Variants in ZNF665 observed in about 807,000 individuals in gnomAD.
The protein encoded by ZNF665 is zinc finger protein 665.
A neutral mutation model predicts 7.9 loss-of-function variants in ZNF665; 6 were observed. The ratio of observed to expected loss-of-function variants is 0.76; its 90% CI spans 0.42 to 1.50. The LOEUF (loss-of-function observed/expected upper bound fraction) is 1.50, where lower values mean the gene tolerates loss of function less well. ZNF665 is among the 40% of genes most tolerant of loss of function. The pLI is 0.01. For synonymous variants in ZNF665, 242 were observed against 274.5 expected (o/e 0.88, Z 1.17); for missense variants, 819 against 806.7 (o/e 1.02, Z -0.18).
At chr19:53,168,496 G>C (rs2090634537) in intron 3 of ZNF665, among the ~76,000 whole-genome samples, 1 of 152,172 alleles carries the variant, frequency 6.6e-6, no homozygotes, top group Admixed American at 6.5e-5. Flanking sequence ...TCAGCATTTA[G>C]AAGACTCAAT....
chr19:53,174,027 G>A lies in ZNF665; in HGVS notation c.142+1418C>T, dbSNP rs138555225. The stretch of plus-strand genomic sequence containing the variant: ...GGCAAGGAAAGCTTAAGACAGTTCC[G>A]TGAAGTTTCCGGGGCCCCAGGTGCA... On this transcript the variant is annotated intron_variant, in intron 3 of 3. Transcript: ENST00000396424. 3.8e-4 allele frequency among the ~76,000 whole-genome samples: 58 copies of A among 152,286 alleles called. 1 individual carries two copies. The East Asian group carries it at 5.0e-3, about 13-fold the overall frequency.
chr19:53,165,462 T>C lies in ZNF665; in HGVS notation c.1028A>G (p.Glu343Gly), dbSNP rs1372200171. The C allele has an allele frequency of 6.2e-7, 1 of 1,613,152 alleles. No homozygotes were observed. Among genetic ancestry groups the C allele is most frequent in the Admixed American group, 1.7e-5 (1 of 59,924 alleles). Reference protein sequence around the residue: ...LTTHQTIHTGEKPYKCNECGK... With the variant: ...LTTHQTIHTGGKPYKCNECGK... Reference sequence around the variant, plus strand: ...ACATTCATTACATTTGTAAGGTTTTTCTCCAGTGTGGATTGTCTGATGGGT... The same window carrying C: ...ACATTCATTACATTTGTAAGGTTTTCCTCCAGTGTGGATTGTCTGATGGGT... The change falls in exon 4 of 4, where the codon GAA (glutamate) becomes GGA (glycine). Residue 343 changes from glutamate (E) to glycine (G), a missense_variant. Glu to Gly is a moderately conservative substitution (Grantham distance 98, BLOSUM62 -2). Coordinates refer to ENST00000396424, the MANE Select transcript of ZNF665 (RefSeq NM_024733.5).
intron 1 of ZNF665, among the ~76,000 whole-genome samples, chr19:53,192,318 T>G (rs1300213245): frequency 6.6e-6 from 1 of 152,094 alleles, no homozygotes; most frequent in African/African-American, 2.4e-5. Flanking sequence ...GTTCTCCCTC[T>G]GCTCTCCTTG....
intron 3 of ZNF665, among the ~76,000 whole-genome samples, chr19:53,171,524 A>ATATATATATATT (rs372855271): frequency 0.01 from 702 of 69,240 alleles, 4 homozygotes; most frequent in East Asian, 0.04. Flanking sequence ...ATATATATAT[A>ATATATATATATT]TTTTTTTTTT....
At chr19:53,191,762 T>C (rs2090818597) in intron 1 of ZNF665, 1 of 152,254 alleles carries the variant, frequency 6.6e-6, no homozygotes, top group Admixed American at 6.5e-5. Flanking sequence ...GAGAATCGCT[T>C]GAACCCAGGA....
chr19:53,189,895 T>C (rs147348484), intron 1 of ZNF665, among the ~76,000 whole-genome samples: 3,000 of 152,170 alleles, frequency 0.02, 98 homozygotes, highest in African/African-American at 0.065. Flanking sequence ...GCGTCACCAC[T>C]AGACCAAGGA....
At position 53,166,112 on chromosome 19, in the gene ZNF665, T is replaced by C; in HGVS notation, c.378A>G (p.Gln126=). 1 of 1,613,980 alleles carries C rather than the reference T, an allele frequency of 6.2e-7. No homozygotes were observed. The highest frequency in any genetic ancestry group is 8.5e-7 in the Non-Finnish European group (1 of 1,179,868). The change falls in exon 4 of 4, where the codon CAA becomes CAG. Residue 126 remains glutamine (Q), a synonymous_variant. Coordinates refer to ENST00000396424, the MANE Select transcript of ZNF665 (RefSeq NM_024733.5). ...QKENLPGRRA[Q]RDRRAAGNRH... ...TGTTTCCTGCAGCCCTTCTATCACG[T>C]TGAGCTCTTCTACCAGGGAGATTTT...
At chr19:53,192,979 C>G (rs956146298) in intron 1 of ZNF665, among the ~76,000 whole-genome samples, 5 of 152,118 alleles carry the variant, frequency 3.3e-5, no homozygotes, top group African/African-American at 9.7e-5. Context: ...CAGTAGCTGA[C>G]TAGGGCGAGG....
At chr19:53,191,532 T>C (rs1406340583) in intron 1 of ZNF665, among the ~76,000 whole-genome samples, 1 of 152,210 alleles carries the variant, frequency 6.6e-6, no homozygotes, top group Non-Finnish European at 1.5e-5. Flanking sequence ...AAACAAAATA[T>C]ATACATATAA....
intron 2 of ZNF665, among the ~76,000 whole-genome samples, chr19:53,178,241 T>C (rs147996308): frequency 6.6e-6 from 1 of 152,362 alleles, no homozygotes; most frequent in East Asian, 1.9e-4. Context: ...CAATGTCTAA[T>C]AGATTCCCAA....
rs2090601886 is a variant in ZNF665 at position 53,165,351 on chromosome 19, C to G, written c.1139G>C (p.Gly380Ala). ...GEKPYKCNEC[G>A]KAFSMHSNLT... The stretch of plus-strand genomic sequence containing the variant: ...GTTTGAATGCATACTGAAGGCTTTC[C>G]CACACTCATTACACTTGTAAGGTTT... The change falls in exon 4 of 4, where the codon GGG becomes GCG. Residue 380 changes from glycine (G) to alanine (A), a missense_variant. Transcript: ENST00000396424. 6.2e-7 allele frequency: 1 copy of G among 1,614,114 alleles called. No individual in the cohort carries two copies. Among genetic ancestry groups the G allele is most frequent in the East Asian group, 2.2e-5 (1 of 44,882 alleles).
Position 53,164,548 on chromosome 19 carries a change from G to A in ZNF665, c.1942C>T (p.His648Tyr), listed in dbSNP as rs143721237. The change falls in exon 4 of 4, where the codon CAT becomes TAT. Residue 648 changes from histidine (H) to tyrosine (Y), a missense_variant. Physicochemically the swap from His to Tyr is moderately conservative, Grantham distance 83. Transcript: ENST00000396424. The part of the protein sequence containing the change: ...RSTLTTHMAV[H>Y]TGDKPYKCNQ... Reference sequence around the variant, plus strand: ...CATTTGTAAGGTTTGTCTCCAGTATGGACTGCCATATGGGTAGTTAGGGTT... The same window carrying A: ...CATTTGTAAGGTTTGTCTCCAGTATAGACTGCCATATGGGTAGTTAGGGTT... 58 of 1,614,034 alleles carry A rather than the reference G, an allele frequency of 3.6e-5. No individual in the cohort carries two copies. The African/African-American group carries it at 7.2e-4, about 20-fold the overall frequency.
chr19:53,164,426 C>G lies in ZNF665; in HGVS notation c.*27G>C. 2 of 1,513,462 alleles carry G rather than the reference C, an allele frequency of 1.3e-6. No individual in the cohort carries two copies. Among genetic ancestry groups the G allele is most frequent in the Non-Finnish European group, 8.9e-7 (1 of 1,128,802 alleles). 93.8% of individuals were successfully genotyped at this position (1,513,462 alleles called of 1,614,324 possible). A position where few individuals can be genotyped will look rare whatever the true frequency, so the allele number is the denominator to read the frequency against. ...GTGCTGGGATTACAGGCGTGAGCCA[C>G]CACGCCCGGCGTCCTTTGTAAGGTT... On this transcript the variant is annotated 3_prime_UTR_variant, in exon 4 of 4. Transcript: ENST00000396424.
At chr19:53,175,633 C>T (rs1000870151) in intron 2 of ZNF665, 62 bp from the exon 3 acceptor site, 3 of 1,543,472 alleles carry the variant, frequency 1.9e-6, no homozygotes, top group Admixed American at 4.1e-5. Flanking sequence ...TCACATAAAA[C>T]AAGAAGAGGA....
At chr19:53,178,511 C>T (rs117070004) in intron 2 of ZNF665, among the ~76,000 whole-genome samples, 1,942 of 152,158 alleles carry the variant, frequency 0.013, 23 homozygotes, top group Non-Finnish European at 0.021. Flanking sequence ...ATTGTTTGAA[C>T]CCAGGAGTTT....
At chr19:53,175,332 C>A (rs1483890498) in intron 3 of ZNF665, 113 bp downstream of exon 3, 4 of 1,337,730 alleles carry the variant, frequency 3.0e-6, no homozygotes, top group South Asian at 1.3e-5. Flanking sequence ...ATTTATGAGT[C>A]AACAGGACAT....
chr19:53,191,294 T>A (rs11666426), intron 1 of ZNF665, among the ~76,000 whole-genome samples: 1 of 151,138 alleles, frequency 6.6e-6, no homozygotes, highest in African/African-American at 2.5e-5. Flanking sequence ...TACTTGATTA[T>A]GAGAGTGGGA....
intron 2 of ZNF665, among the ~76,000 whole-genome samples, chr19:53,177,026 G>A (rs536440797): frequency 1.2e-4 from 18 of 152,120 alleles, no homozygotes; most frequent in African/African-American, 3.1e-4. Flanking sequence ...AGCTGAAGCC[G>A]GAGAATCATT....
Position 53,164,477 on chromosome 19 carries a change from T to C in ZNF665, c.2013A>G (p.Lys671=), listed in dbSNP as rs766111524. 6.3e-7 allele frequency: 1 copy of C among 1,599,018 alleles called. No homozygotes were observed. Among genetic ancestry groups the C allele is most frequent in the South Asian group, 1.1e-5 (1 of 88,514 alleles). Residue 671 remains lysine, a synonymous_variant, in exon 4 of 4, where the codon AAA becomes AAG. Transcript: ENST00000396424. ...TCTATCCACTATGAATTCTTCGATGTTTTGCAAGGTTTGAATTTTGAGTAA... is the reference window on the plus strand; with the variant it reads ...TCTATCCACTATGAATTCTTCGATGCTTTGCAAGGTTTGAATTTTGAGTAA... The part of the protein sequence containing the change: ...KVFTQNSNLA[K]HRRIHSG
Sources: allele counts gnomAD v4.1 joint callset (sites outside exome capture counted in the v4.1 genomes callset), GRCh38; gene constraint gnomAD v4.1.1; transcripts MANE v1.5; gene names NCBI Gene and HGNC (gene_info 2026-07-23, HGNC 2026-07-21).